The following RTF1 variants were observed in gnomAD, a reference collection of about 807,000 sequenced individuals.
RTF1 encodes the protein RTF1 homolog, Paf1/RNA polymerase II complex component, also known as RNA polymerase-associated protein RTF1 homolog.
In RTF1, 10 loss-of-function variants were observed where a neutral mutation model predicts 95.7. The observed-to-expected ratio is 0.10, with a 90% confidence interval of 0.06 to 0.18. The LOEUF (loss-of-function observed/expected upper bound fraction) is 0.18, where lower values mean the gene tolerates loss of function less well. Among genes scored for constraint, RTF1 ranks in the 10% least tolerant of loss-of-function variants. RTF1 has a pLI of 1.00. For synonymous variants in RTF1, 305 were observed against 311.8 expected, an observed-to-expected ratio of 0.98 and a Z score of 0.23; for missense variants, 458 against 875.6, an observed-to-expected ratio of 0.52 and a Z score of 6.02.
intron 2 of RTF1, 110 bp from the exon 3 acceptor site, chr15:41,452,791 T>C: frequency 9.2e-6 from 8 of 869,026 alleles, no homozygotes; most frequent in Non-Finnish European, 1.3e-5. Context: ...AGTGTATTTG[T>C]TTTGGATTCA....
At chr15:41,421,067 A>G (rs537997766) in intron 1 of RTF1, among the ~76,000 whole-genome samples, 1 of 150,822 alleles carries the variant, frequency 6.6e-6, no homozygotes, top group Non-Finnish European at 1.5e-5. Flanking sequence ...ATGCCCTGTA[A>G]TCTCAGCACT....
At chr15:41,448,005 T>G (rs897187847) in intron 2 of RTF1, among the ~76,000 whole-genome samples, 7 of 152,184 alleles carry the variant, frequency 4.6e-5, no homozygotes, top group Non-Finnish European at 8.8e-5. Flanking sequence ...AAATCATTCA[T>G]TTTCCCTCTG....
In RTF1 at chr15:41,434,469, A is replaced by G. The variant is rs540949614; in HGVS notation, c.199-3852A>G. ...TAAGATACTATATGATTCCATCTAT[A>G]TGATGTTCTATAGGGACAGAAAACA... is the stretch of plus-strand genomic sequence containing the variant. On this transcript the variant is annotated intron_variant, in intron 1 of 17. Transcript: ENST00000389629. Among the ~76,000 whole-genome samples, 7 of 152,284 alleles carry G rather than the reference A, an allele frequency of 4.6e-5. No individual in the cohort carries two copies. The South Asian group carries it at 1.0e-3, about 23-fold the overall frequency.
intron 16 of RTF1, among the ~76,000 whole-genome samples, 159 bp downstream of exon 16, chr15:41,479,357 C>T (rs1389024544): frequency 6.6e-6 from 1 of 152,196 alleles, no homozygotes; most frequent in East Asian, 1.9e-4. Context: ...ATATAATCAA[C>T]AGACAACCTT....
At chr15:41,468,474 C>CCAT (rs956399725) in intron 6 of RTF1, among the ~76,000 whole-genome samples, 1 of 152,000 alleles carries the variant, frequency 6.6e-6, no homozygotes, top group Admixed American at 6.6e-5. Context: ...CCTGCCACCA[C>CCAT]GCCCAGCTAA....
At chr15:41,461,730 C>T (rs2050849926) in intron 4 of RTF1, among the ~76,000 whole-genome samples, 1 of 151,788 alleles carries the variant, frequency 6.6e-6, no homozygotes, top group Non-Finnish European at 1.5e-5. Context: ...ACCTCGTGTT[C>T]TGCCTGCCTT....
At position 41,480,850 on chromosome 15, in the gene RTF1, T is replaced by C; in HGVS notation, c.*163T>C. The C allele has an allele frequency of 1.6e-6, 1 of 614,528 alleles. No individual in the cohort carries two copies. Among genetic ancestry groups the C allele is most frequent in the East Asian group, 2.8e-5 (1 of 36,136 alleles). 38.1% of individuals were successfully genotyped at this position (614,528 alleles called of 1,614,324 possible). ...ATATAAACCATTTGCTGTATAGACC[T>C]CCTTTGTCTGCACACCATCTCCCAC... is the stretch of plus-strand genomic sequence containing the variant. On this transcript the variant is annotated 3_prime_UTR_variant, in exon 18 of 18. Transcript: ENST00000389629.
chr15:41,477,064 C>T (rs561988552), intron 12 of RTF1, 101 bp from the exon 13 acceptor site: 2 of 1,457,928 alleles, frequency 1.4e-6, no homozygotes, highest in East Asian at 2.3e-5. Flanking sequence ...CCTTTGCTCA[C>T]CACATGAGAT....
chr15:41,449,330 A>T (rs2050779037), intron 2 of RTF1, among the ~76,000 whole-genome samples: 1 of 143,966 alleles, frequency 6.9e-6, no homozygotes, highest in Admixed American at 7.4e-5. Context: ...TCCCGGGTTC[A>T]CACCACTGTC....
At chr15:41,473,527 C>T (rs1470658301) in intron 8 of RTF1, among the ~76,000 whole-genome samples, 5 of 151,456 alleles carry the variant, frequency 3.3e-5, no homozygotes, top group African/African-American at 4.9e-5. Flanking sequence ...CTTCCTGCCT[C>T]GGTTTTCGAA....
intron 2 of RTF1, among the ~76,000 whole-genome samples, chr15:41,441,841 C>T (rs2050737564): frequency 1.3e-5 from 2 of 152,240 alleles, no homozygotes; most frequent in South Asian, 4.1e-4. Context: ...TACTCCAGTC[C>T]CTCTCTCACG....
chr15:41,464,681 C>T, intron 4 of RTF1, 90 bp from the exon 5 acceptor site: 1 of 1,121,838 alleles, frequency 8.9e-7, no homozygotes, highest in Admixed American at 2.7e-5. Context: ...TCTATTAGCT[C>T]CTTTCCCTTA....
At chr15:41,424,676 G>T (rs953112493) in intron 1 of RTF1, among the ~76,000 whole-genome samples, 1 of 152,212 alleles carries the variant, frequency 6.6e-6, no homozygotes. Flanking sequence ...ATACTGGGTT[G>T]TGAGGTATAA....
intron 15 of RTF1, 137 bp from the exon 16 acceptor site, chr15:41,478,966 C>CTTG: frequency 2.5e-6 from 1 of 403,006 alleles, no homozygotes; most frequent in African/African-American, 2.4e-5. Context: ...TTTTTTGCTG[C>CTTG]TTTGAGGAAA....
In RTF1 at chr15:41,468,552, T is replaced by C. The variant is rs548324634; in HGVS notation, c.890-1705T>C. 8.9e-4 allele frequency among the ~76,000 whole-genome samples: 135 copies of C among 152,108 alleles called. 2 individuals are homozygous for C. Among genetic ancestry groups the C allele is most frequent in the South Asian group, 6.2e-4 (3 of 4,806 alleles). ...CAGGATGGTCTTGATCTCCTGACCT[T>C]GTGATCCGCCCGCCTCGGCCTCCCA... On this transcript the variant is annotated intron_variant, in intron 6 of 17. Transcript: ENST00000389629.
intron 2 of RTF1, among the ~76,000 whole-genome samples, chr15:41,439,728 T>C (rs1327417551): frequency 4.6e-5 from 7 of 152,224 alleles, no homozygotes; most frequent in Non-Finnish European, 7.4e-5. Context: ...CTCGGCTCAC[T>C]GCAACCTCTG....
intron 4 of RTF1, among the ~76,000 whole-genome samples, chr15:41,459,480 C>T (rs316611): frequency 0.18 from 27,607 of 152,116 alleles, 3,221 homozygotes; most frequent in Non-Finnish European, 0.25. Flanking sequence ...CATAAGATTG[C>T]GTTGGTTTTA....
chr15:41,422,431 G>A, intron 1 of RTF1, among the ~76,000 whole-genome samples: 1 of 152,008 alleles, frequency 6.6e-6, no homozygotes, highest in South Asian at 2.1e-4. Context: ...CTTGCTGTTG[G>A]TGCCTATTGG....
intron 1 of RTF1, among the ~76,000 whole-genome samples, chr15:41,424,905 A>C (rs983944757): frequency 4.0e-5 from 6 of 151,166 alleles, no homozygotes; most frequent in African/African-American, 1.5e-4. Context: ...GCCACTGGTG[A>C]GGCTGAGGCA....
Sources: allele counts gnomAD v4.1 joint callset (sites outside exome capture counted in the v4.1 genomes callset), GRCh38; gene constraint gnomAD v4.1.1; transcripts MANE v1.5; gene names NCBI Gene and HGNC (gene_info 2026-07-23, HGNC 2026-07-21).